PLA2G10: variants seen among roughly 807,000 people sequenced by gnomAD.
PLA2G10 encodes group 10 secretory phospholipase A2.
In PLA2G10, 9 loss-of-function variants were observed where a neutral mutation model predicts 7.9. The ratio of observed to expected loss-of-function variants is 1.14; its 90% CI spans 0.68 to 1.98. The LOEUF is 1.98. Ranked by LOEUF, PLA2G10 falls within the 30% of genes most tolerant of loss-of-function variation. The pLI is 0.00. For synonymous variants in PLA2G10, 19 were observed against 27.5 expected (o/e 0.69, Z 0.97); for missense variants, 53 against 65.4 (o/e 0.81, Z 0.66).
At chr16:14,687,476 T>A (rs1961119435) in intron 3 of PLA2G10, among the ~76,000 whole-genome samples, 1 of 151,864 alleles carries the variant, frequency 6.6e-6, no homozygotes, top group Admixed American at 6.6e-5. Context: ...ATCACAGATG[T>A]GTGCCACCAC....
chr16:14,685,900 C>T (rs1961042836), intron 3 of PLA2G10, among the ~76,000 whole-genome samples: 1 of 151,816 alleles, frequency 6.6e-6, no homozygotes, highest in East Asian at 1.9e-4. Flanking sequence ...GTCTGGAACT[C>T]CTGACCTCGT....
At chr16:14,672,901 G>T in intron 3 of PLA2G10, 152 bp from the exon 4 acceptor site, 1 of 681,558 alleles carries the variant, frequency 1.5e-6, no homozygotes, top group Non-Finnish European at 2.5e-6. Context: ...TCCCCAGGAA[G>T]CAGGTGATGT....
chr16:14,677,207 T>C (rs974769236), intron 3 of PLA2G10, among the ~76,000 whole-genome samples: 11 of 152,212 alleles, frequency 7.2e-5, no homozygotes, highest in Admixed American at 5.9e-4. Flanking sequence ...AGTATGCAAA[T>C]GAATGGTTGA....
intron 3 of PLA2G10, among the ~76,000 whole-genome samples, chr16:14,676,633 C>G (rs112355590): frequency 6.6e-6 from 1 of 152,094 alleles, no homozygotes; most frequent in African/African-American, 2.4e-5. Flanking sequence ...GGGCCAAGAT[C>G]ACGCCACTGC....
rs749924257 is a variant in PLA2G10 at position 14,672,642 on chromosome 16, A to G, written c.463T>C (p.Phe155Leu). The G allele has an allele frequency of 1.9e-6, 3 of 1,613,990 alleles. No homozygotes were observed. Among genetic ancestry groups the G allele is most frequent in the Non-Finnish European group, 2.5e-6 (3 of 1,179,992 alleles). The change falls in exon 4 of 4, where the codon TTC becomes CTC. Residue 155 changes from phenylalanine (F) to leucine (L), a missense_variant. Phe to Leu is a conservative substitution (Grantham distance 22, BLOSUM62 0). Transcript: ENST00000438167. Reference sequence around the variant, plus strand: ...TTGGGCGAGTCCGGCTCACATAGGAACTGGGGGTAGAAGAGGTACTTTAAG... The same window carrying G: ...TTGGGCGAGTCCGGCTCACATAGGAGCTGGGGGTAGAAGAGGTACTTTAAG... ...YNLKYLFYPQ[F>L]LCEPDSPKCD
intron 3 of PLA2G10, among the ~76,000 whole-genome samples, chr16:14,683,878 C>T (rs1431072800): frequency 6.6e-6 from 1 of 152,248 alleles, no homozygotes; most frequent in East Asian, 1.9e-4. Context: ...GAAAAGACAA[C>T]TTACATAATG....
At chr16:14,685,022 T>C (rs1210157050) in intron 3 of PLA2G10, among the ~76,000 whole-genome samples, 1 of 152,178 alleles carries the variant, frequency 6.6e-6, no homozygotes, top group Non-Finnish European at 1.5e-5. Flanking sequence ...GATCTATCCA[T>C]GCAGTGGATA....
At chr16:14,675,618 G>GCCAGGATGCTCT (rs1960704728) in intron 3 of PLA2G10, among the ~76,000 whole-genome samples, 1 of 151,996 alleles carries the variant, frequency 6.6e-6, no homozygotes, top group Non-Finnish European at 1.5e-5. Context: ...ACTCAAATCA[G>GCCAGGATGCTCT]CAAGAAGAAA....
At chr16:14,685,286 C>T (rs1298045637) in intron 3 of PLA2G10, among the ~76,000 whole-genome samples, 1 of 151,274 alleles carries the variant, frequency 6.6e-6, no homozygotes, top group Non-Finnish European at 1.5e-5. Context: ...GCAGGAGAAT[C>T]GCTTGAACCC....
intron 3 of PLA2G10, among the ~76,000 whole-genome samples, chr16:14,687,071 G>T (rs1165283921): frequency 1.3e-5 from 2 of 151,196 alleles, no homozygotes; most frequent in African/African-American, 2.4e-5. Flanking sequence ...ACATGCCATT[G>T]CACTCCAGCC....
At chr16:14,680,288 C>T (rs1487392082) in intron 3 of PLA2G10, among the ~76,000 whole-genome samples, 4 of 152,078 alleles carry the variant, frequency 2.6e-5, no homozygotes, top group South Asian at 2.1e-4. Context: ...CTAGTAGAGA[C>T]GGGGTTTCAC....
chr16:14,672,623 G>A lies in PLA2G10; in HGVS notation c.482C>T (p.Ser161Leu), dbSNP rs200010548. Reference protein sequence around the residue: ...FYPQFLCEPDSPKCD With the variant: ...FYPQFLCEPDLPKCD ...TCAAGGTAGTCAGTCACACTTGGGC[G>A]AGTCCGGCTCACATAGGAACTGGGG... is the stretch of plus-strand genomic sequence containing the variant. Residue 161 changes from serine to leucine, a missense_variant, in exon 4 of 4, where the codon TCG becomes TTG. Coordinates refer to ENST00000438167, the MANE Select transcript of PLA2G10 (RefSeq NM_003561.3). 137 of 1,614,026 alleles carry A rather than the reference G, an allele frequency of 8.5e-5. No individual in the cohort carries two copies. The highest frequency in any genetic ancestry group is 1.6e-4 in the East Asian group (7 of 44,886).
At chr16:14,685,758 A>AGT (rs1961039257) in intron 3 of PLA2G10, among the ~76,000 whole-genome samples, 1 of 151,808 alleles carries the variant, frequency 6.6e-6, no homozygotes, top group African/African-American at 2.4e-5. Context: ...GCAATGGTGC[A>AGT]GTCTCGGCTC....
intron 3 of PLA2G10, among the ~76,000 whole-genome samples, chr16:14,678,230 C>T (rs1043773874): frequency 8.5e-5 from 13 of 152,160 alleles, no homozygotes; most frequent in Middle Eastern, 6.8e-3. Context: ...AGCTACAGGG[C>T]GACGGGGACA....
intron 3 of PLA2G10, among the ~76,000 whole-genome samples, chr16:14,682,422 A>C (rs537409471): frequency 6.6e-6 from 1 of 152,166 alleles, no homozygotes; most frequent in South Asian, 2.1e-4. Context: ...AAAATACAAA[A>C]AAATTAGCTG....
intron 3 of PLA2G10, among the ~76,000 whole-genome samples, chr16:14,687,142 A>G (rs2151855626): frequency 6.6e-6 from 1 of 151,872 alleles, no homozygotes; most frequent in African/African-American, 2.4e-5. Context: ...AAAACAAACA[A>G]ACAAAAAAAC....
chr16:14,672,870 C>T (rs1049299151), intron 3 of PLA2G10, 121 bp from the exon 4 acceptor site: 39 of 875,436 alleles, frequency 4.5e-5, no homozygotes, highest in Middle Eastern at 3.4e-4. Flanking sequence ...CAGCCCACCA[C>T]GTGATCTCCA....
chr16:14,673,442 G>A (rs1960645152), intron 3 of PLA2G10, among the ~76,000 whole-genome samples: 1 of 151,988 alleles, frequency 6.6e-6, no homozygotes, highest in South Asian at 2.1e-4. Context: ...CAAGGTTGTG[G>A]CTCACTGCAG....
intron 3 of PLA2G10, among the ~76,000 whole-genome samples, chr16:14,685,551 G>C (rs1291551708): frequency 6.6e-6 from 1 of 151,988 alleles, no homozygotes; most frequent in Non-Finnish European, 1.5e-5. Context: ...GAATGGGAAC[G>C]GATTGCTTAA....
Sources: allele counts gnomAD v4.1 joint callset (sites outside exome capture counted in the v4.1 genomes callset), GRCh38; gene constraint gnomAD v4.1.1; transcripts MANE v1.5; gene names NCBI Gene and HGNC (gene_info 2026-07-23, HGNC 2026-07-21).